AADACL2: variants seen among roughly 807,000 people sequenced by gnomAD.
AADACL2 encodes arylacetamide deacetylase like 2.
In AADACL2, 23 loss-of-function variants were observed where a neutral mutation model predicts 22.3. The observed-to-expected ratio is 1.03, with a 90% confidence interval of 0.74 to 1.46. The LOEUF (loss-of-function observed/expected upper bound fraction) is 1.46, where lower values mean the gene tolerates loss of function less well. Among genes scored for constraint, AADACL2 ranks in the 40% most tolerant of loss-of-function variants. The pLI is 0.00. For missense variants in AADACL2, 472 were observed against 482.9 expected (o/e 0.98, Z 0.21); for synonymous variants, 177 against 166.2 (o/e 1.07, Z -0.50).
intron 4 of AADACL2, among the ~76,000 whole-genome samples, chr3:151,752,191 T>C (rs2107988904): frequency 6.6e-6 from 1 of 152,312 alleles, no homozygotes; most frequent in Admixed American, 6.5e-5. Flanking sequence ...ATTATAGAGC[T>C]CATTTTTTCC....
intron 1 of AADACL2, 51 bp downstream of exon 1, chr3:151,734,224 T>G: frequency 1.9e-6 from 3 of 1,575,376 alleles, no homozygotes; most frequent in Non-Finnish European, 2.6e-6. Context: ...ACTTATTGAC[T>G]AAAAATGGGT....
chr3:151,735,621 T>C (rs1713062137), intron 1 of AADACL2, among the ~76,000 whole-genome samples: 3 of 152,252 alleles, frequency 2.0e-5, no homozygotes, highest in South Asian at 4.1e-4. Flanking sequence ...AGCCAGCTGT[T>C]GTGGTGCACG....
At position 151,757,529 on chromosome 3, in the gene AADACL2, T is replaced by G. The variant is rs1161614084; in HGVS notation, c.1141T>G (p.Phe381Val). ...AGCTTTATCATTCATGACTTCACCATTTTATTTACGTCTAGGTCTTAGGAT... is the reference window on the plus strand; with the variant it reads ...AGCTTTATCATTCATGACTTCACCAGTTTATTTACGTCTAGGTCTTAGGAT... ...HGALSFMTSP[F>V]YLRLGLRIRD... The change falls in exon 5 of 5, where the codon TTT (phenylalanine) becomes GTT (valine). Residue 381 changes from phenylalanine (F) to valine (V), a missense_variant. Transcript: ENST00000356517. 1 of 1,613,354 alleles carries G rather than the reference T, an allele frequency of 6.2e-7. No homozygotes were observed. Among genetic ancestry groups the G allele is most frequent in the African/African-American group, 1.3e-5 (1 of 74,912 alleles).
intron 1 of AADACL2, among the ~76,000 whole-genome samples, chr3:151,739,861 C>T (rs971001992): frequency 1.3e-5 from 2 of 152,314 alleles, no homozygotes; most frequent in East Asian, 3.9e-4. Flanking sequence ...CCCTCTCCCC[C>T]CACCAAGCTA....
intron 1 of AADACL2, among the ~76,000 whole-genome samples, chr3:151,737,199 G>A (rs1713115033): frequency 6.6e-6 from 1 of 152,118 alleles, no homozygotes; most frequent in South Asian, 2.1e-4. Context: ...CGTTATTTCT[G>A]CCTTAATTTA....
In AADACL2 at chr3:151,733,958, T is replaced by C; in HGVS notation, c.-78T>C. ...CCTGAGAGAGTTCCCAAGTCTACAATTGCTCTACTAGTTACTATTCAGTGT... is the reference window on the plus strand; with the variant it reads ...CCTGAGAGAGTTCCCAAGTCTACAACTGCTCTACTAGTTACTATTCAGTGT... On this transcript the variant is annotated 5_prime_UTR_variant, in exon 1 of 5. Transcript: ENST00000356517. 1 of 1,421,576 alleles carries C rather than the reference T, an allele frequency of 7.0e-7. No individual in the cohort carries two copies. Among genetic ancestry groups the C allele is most frequent in the Non-Finnish European group, 9.4e-7 (1 of 1,062,024 alleles). 88.1% of individuals were successfully genotyped at this position (1,421,576 alleles called of 1,614,324 possible). A position where few individuals can be genotyped will look rare whatever the true frequency, so the allele number is the denominator to read the frequency against.
chr3:151,752,281 GA>G, intron 4 of AADACL2, among the ~76,000 whole-genome samples: 1 of 152,170 alleles, frequency 6.6e-6, no homozygotes, highest in Admixed American at 6.5e-5. Flanking sequence ...ACCACTGAGG[GA>G]TATATTTTAA....
At chr3:151,748,834 T>A (rs948248760) in intron 4 of AADACL2, among the ~76,000 whole-genome samples, 2 of 152,186 alleles carry the variant, frequency 1.3e-5, no homozygotes, top group African/African-American at 4.8e-5. Context: ...AGGCATTCTA[T>A]TGTAGTAGTG....
intron 4 of AADACL2, among the ~76,000 whole-genome samples, chr3:151,746,565 G>A (rs903042242): frequency 3.3e-5 from 5 of 151,768 alleles, no homozygotes; most frequent in African/African-American, 1.2e-4. Context: ...AATAAATATA[G>A]TATTAACTGA....
In AADACL2 at chr3:151,748,353, CATT is replaced by C. The variant is rs1301591887; in HGVS notation, c.603+2677_603+2679del. On this transcript the variant is annotated intron_variant, in intron 4 of 4. Coordinates refer to ENST00000356517, the MANE Select transcript of AADACL2 (RefSeq NM_207365.4). ...CATGTGGATATATGAGAATTCTCAA[CATT>C]ATTTATTGAAAAGACTGTCTTTTCC... Among the ~76,000 whole-genome samples the C allele has an allele frequency of 2.0e-5, 3 of 151,394 alleles. No individual in the cohort carries two copies. In the East Asian group the frequency reaches 5.8e-4, roughly 29 times the overall value.
rs180893037 is a variant in AADACL2 at position 151,761,290 on chromosome 3, A to C, written c.*3696A>C. 4 of 145,234 alleles carry C rather than the reference A, an allele frequency of 2.8e-5. No homozygotes were observed. Among genetic ancestry groups the C allele is most frequent in the African/African-American group, 1.0e-4 (4 of 39,250 alleles). The allele number at this position is 145,234 out of a possible 1,614,324, so 9.0% of individuals were successfully genotyped here. A position where few individuals can be genotyped will look rare whatever the true frequency, so the allele number is the denominator to read the frequency against. On this transcript the variant is annotated 3_prime_UTR_variant, in exon 5 of 5. Coordinates refer to ENST00000356517, the MANE Select transcript of AADACL2 (RefSeq NM_207365.4). ...ACACCTAGCAAGTATCATATGTTCC[A>C]ATTTCTTAAAAGTAAATAAAGGCCT...
chr3:151,743,060 C>T (rs960423770), intron 2 of AADACL2, among the ~76,000 whole-genome samples: 3 of 151,956 alleles, frequency 2.0e-5, no homozygotes, highest in South Asian at 2.1e-4. Flanking sequence ...CATGCTCTTT[C>T]GTTAACAAGG....
rs575496882 is a variant in AADACL2, at chr3:151,757,075, G to A, written c.687G>A (p.Leu229=). The change falls in exon 5 of 5, where the codon TTG becomes TTA. Residue 229 remains leucine, a synonymous_variant. Coordinates refer to ENST00000356517, the MANE Select transcript of AADACL2 (RefSeq NM_207365.4). ...GCTTACAGATAACAGATTCTTATTT[G>A]CCATCTCACCGAGAAAATGAGCATG... The part of the protein sequence containing the change: ...YPGLQITDSY[L]PSHRENEHGI... The A allele has an allele frequency of 6.2e-7, 1 of 1,612,642 alleles. No homozygotes were observed. The highest frequency in any genetic ancestry group is 8.5e-7 in the Non-Finnish European group (1 of 1,179,446).
chr3:151,757,360 T>C lies in AADACL2; in HGVS notation c.972T>C (p.Asp324=), dbSNP rs988293905. 6 of 1,613,650 alleles carry C rather than the reference T, an allele frequency of 3.7e-6. No homozygotes were observed. The highest frequency in any genetic ancestry group is 8.5e-7 in the Non-Finnish European group (1 of 1,179,728). ...DSRALPLLAN[D]SQLQNLPLTY... is the part of the protein sequence containing the mutation. ...GAGCATTACCCTTGTTGGCCAATGA[T>C]TCTCAGTTACAGAATTTGCCACTAA... Residue 324 remains aspartate, a synonymous_variant, in exon 5 of 5, where the codon GAT becomes GAC. Coordinates refer to ENST00000356517, the MANE Select transcript of AADACL2 (RefSeq NM_207365.4).
chr3:151,750,099 A>G (rs1576615795), intron 4 of AADACL2, among the ~76,000 whole-genome samples: 7 of 152,246 alleles, frequency 4.6e-5, no homozygotes, highest in Admixed American at 4.6e-4. Flanking sequence ...ATGTTCATGT[A>G]AGTTTTATTC....
intron 4 of AADACL2, among the ~76,000 whole-genome samples, chr3:151,748,034 T>A (rs930956317): frequency 6.6e-6 from 1 of 152,196 alleles, no homozygotes; most frequent in African/African-American, 2.4e-5. Flanking sequence ...GAACCCATGA[T>A]TTGAAATATT....
intron 1 of AADACL2, among the ~76,000 whole-genome samples, 179 bp downstream of exon 1, chr3:151,734,352 C>G (rs1343084407): frequency 6.6e-6 from 1 of 152,076 alleles, no homozygotes; most frequent in African/African-American, 2.4e-5. Flanking sequence ...CTGTGAGTAA[C>G]AGTGAGACAG....
Position 151,758,195 on chromosome 3 carries a change from G to C in AADACL2, c.*601G>C, listed in dbSNP as rs1366494194. The stretch of plus-strand genomic sequence containing the variant: ...GGAGACTCTCTAGAAGGTGCTCTTT[G>C]CCTCTTTTAACCTCTGGTGGCTGCC... On this transcript the variant is annotated 3_prime_UTR_variant, in exon 5 of 5. Transcript: ENST00000356517. The C allele has an allele frequency of 6.6e-6, 1 of 152,130 alleles. No individual in the cohort carries two copies. Among genetic ancestry groups the C allele is most frequent in the African/African-American group, 2.4e-5 (1 of 41,426 alleles). 9.4% of individuals were successfully genotyped at this position (152,130 alleles called of 1,614,324 possible). A position where few individuals can be genotyped will look rare whatever the true frequency, so the allele number is the denominator to read the frequency against.
At position 151,734,172 on chromosome 3, in the gene AADACL2, C is replaced by T. The variant is rs556814703; in HGVS notation, c.137C>T (p.Thr46Met). 1.6e-5 allele frequency: 25 copies of T among 1,612,014 alleles called. No individual in the cohort carries two copies. Among genetic ancestry groups the T allele is most frequent in the Middle Eastern group, 1.7e-4 (1 of 6,046 alleles). The part of the protein sequence containing the change: ...LDAIAKTCTF[T>M]AMCFENMRIM... ...GCCATCGCTAAAACTTGTACATTTA[C>T]GGTAAGGTTAACATTTATTTTTTCT... is the stretch of plus-strand genomic sequence containing the variant. Residue 46 changes from threonine (T) to methionine (M), a missense_variant and splice_region_variant, in exon 1 of 5, where the codon ACG (threonine) becomes ATG (methionine). Around this residue, in one of 3 missense-constraint regions of AADACL2, gnomAD observed 356 missense variants for 365.5 expected, o/e 0.97. Coordinates refer to ENST00000356517, the MANE Select transcript of AADACL2 (RefSeq NM_207365.4).
Sources: allele counts gnomAD v4.1 joint callset (sites outside exome capture counted in the v4.1 genomes callset), GRCh38; gene constraint gnomAD v4.1.1; regional missense constraint gnomAD v4.1.1; transcripts MANE v1.5; gene names NCBI Gene and HGNC (gene_info 2026-07-23, HGNC 2026-07-21).